The following MRPL3 variants were observed in gnomAD, a reference collection of about 807,000 sequenced individuals.
MRPL3 encodes the protein large ribosomal subunit protein uL3m.
Under a neutral mutation model 44.3 loss-of-function variants are expected in MRPL3, and 43 were observed. The ratio of observed to expected loss-of-function variants is 0.97; its 90% confidence interval spans 0.76 to 1.25. The LOEUF is 1.25. MRPL3 is among the 50% of genes most tolerant of loss of function. MRPL3 has a pLI of 0.00. For synonymous variants in MRPL3, 171 were observed against 152.3 expected (o/e 1.12, Z -0.91); for missense variants, 406 against 427.6 (o/e 0.95, Z 0.45).
chr3:131,498,733 A>G (rs1351063708), intron 3 of MRPL3, among the ~76,000 whole-genome samples: 1 of 151,522 alleles, frequency 6.6e-6, no homozygotes, highest in Non-Finnish European at 1.5e-5. Flanking sequence ...GATTAAATAC[A>G]TACAGAAAAG....
chr3:131,470,635 CCT>C (rs1553716923), intron 7 of MRPL3, among the ~76,000 whole-genome samples: 306 of 152,084 alleles, frequency 2.0e-3, no homozygotes, highest in Non-Finnish European at 3.4e-3. Flanking sequence ...CACACACACC[CCT>C]CTGTTTCTCT....
intron 4 of MRPL3, among the ~76,000 whole-genome samples, chr3:131,493,367 T>C (rs747477539): frequency 3.3e-5 from 5 of 152,220 alleles, no homozygotes; most frequent in South Asian, 2.1e-4. Flanking sequence ...CCAGAGCACA[T>C]TGCTCCTTTG....
At chr3:131,470,746 T>C (rs1933722862) in intron 7 of MRPL3, among the ~76,000 whole-genome samples, 1 of 152,108 alleles carries the variant, frequency 6.6e-6, no homozygotes, top group Admixed American at 6.6e-5. Flanking sequence ...ATAGGGTTCA[T>C]TTTAATTTTC....
intron 6 of MRPL3, among the ~76,000 whole-genome samples, chr3:131,473,075 T>C (rs1315368753): frequency 3.9e-5 from 6 of 152,138 alleles, no homozygotes; most frequent in East Asian, 1.9e-4. Context: ...AGAATTCATA[T>C]GGAACCACAA....
chr3:131,480,210 A>G (rs1933950259), intron 6 of MRPL3, among the ~76,000 whole-genome samples: 1 of 152,140 alleles, frequency 6.6e-6, no homozygotes, highest in African/African-American at 2.4e-5. Flanking sequence ...ACTTACTTGC[A>G]TTTCCACATA....
At chr3:131,471,471 C>A in intron 6 of MRPL3, 192 bp from the exon 7 acceptor site, 1 of 531,888 alleles carries the variant, frequency 1.9e-6, no homozygotes, top group East Asian at 3.1e-5. Context: ...GTCTGCACCC[C>A]TTCCTGGAGT....
At chr3:131,488,468 AAAGT>A (rs1304991982) in intron 5 of MRPL3, among the ~76,000 whole-genome samples, 4 of 152,270 alleles carry the variant, frequency 2.6e-5, no homozygotes, top group African/African-American at 9.6e-5. Flanking sequence ...CATAAACTTG[AAAGT>A]AACATTTATA....
intron 4 of MRPL3, 112 bp from the exon 5 acceptor site, chr3:131,490,192 C>T: frequency 1.4e-6 from 1 of 717,628 alleles, no homozygotes; most frequent in Non-Finnish European, 2.4e-6. Flanking sequence ...CAAAGCATAC[C>T]TTATTCCTTA....
rs774973633 is a variant in MRPL3 at position 131,487,753 on chromosome 3, A to G, written c.569-13T>C. 55 of 1,602,478 alleles carry G rather than the reference A, an allele frequency of 3.4e-5. No individual in the cohort carries two copies. The highest frequency in any genetic ancestry group is 4.6e-5 in the Non-Finnish European group (54 of 1,175,266). On this transcript the variant is annotated splice_polypyrimidine_tract_variant and intron_variant, in intron 5 of 9. Coordinates refer to ENST00000264995, the MANE Select transcript of MRPL3 (RefSeq NM_007208.4). Reference sequence around the variant, plus strand: ...TAAAGAGGAGTGCCTTTATGAAAAGAAAATGAAAAATCAATATGAAATTTG... The same window carrying G: ...TAAAGAGGAGTGCCTTTATGAAAAGGAAATGAAAAATCAATATGAAATTTG...
At chr3:131,486,204 G>A (rs1934114513) in intron 6 of MRPL3, among the ~76,000 whole-genome samples, 1 of 151,582 alleles carries the variant, frequency 6.6e-6, no homozygotes, top group Non-Finnish European at 1.5e-5. Context: ...AGACTTAAAT[G>A]TTAGACCTAA....
chr3:131,499,679 G>C (rs752277463), intron 3 of MRPL3, among the ~76,000 whole-genome samples: 3 of 152,010 alleles, frequency 2.0e-5, no homozygotes, highest in Non-Finnish European at 2.9e-5. Context: ...AAGATCAACT[G>C]AGTTGTTCAA....
At chr3:131,480,819 T>A (rs753783678) in intron 6 of MRPL3, among the ~76,000 whole-genome samples, 2 of 152,248 alleles carry the variant, frequency 1.3e-5, no homozygotes, top group Non-Finnish European at 2.9e-5. Context: ...ATGTATTATT[T>A]CTTTAGTATA....
At chr3:131,464,261 T>C (rs114464448) in intron 9 of MRPL3, among the ~76,000 whole-genome samples, 1 of 152,280 alleles carries the variant, frequency 6.6e-6, no homozygotes, top group African/African-American at 2.4e-5. Flanking sequence ...GAGATAACTC[T>C]CAGTTGCTTT....
chr3:131,463,399 T>G (rs1042012951), intron 9 of MRPL3, among the ~76,000 whole-genome samples: 14 of 151,348 alleles, frequency 9.3e-5, no homozygotes, highest in Admixed American at 9.2e-4. Context: ...AAAAAAGTCC[T>G]GTATTGACGG....
At chr3:131,496,637 C>T (rs1479548974) in intron 4 of MRPL3, among the ~76,000 whole-genome samples, 1 of 152,160 alleles carries the variant, frequency 6.6e-6, no homozygotes, top group Non-Finnish European at 1.5e-5. Flanking sequence ...TGTGTCCTCC[C>T]ACCTAGTCCT....
Position 131,471,178 on chromosome 3 carries a change from G to T in MRPL3, c.731C>A (p.Ala244Glu), listed in dbSNP as rs1345444612. 2 of 1,609,978 alleles carry T rather than the reference G, an allele frequency of 1.2e-6. No individual in the cohort carries two copies. Among genetic ancestry groups the T allele is most frequent in the Non-Finnish European group, 1.7e-6 (2 of 1,176,910 alleles). ...TKTHRRPGAV[A>E]TGDIGRVWPG... is the part of the protein sequence containing the mutation. ...TTCACTAGTTATACTCACACCAGTT[G>T]CAACAGCTCCAGGTCTCCTGTGGGT... Residue 244 changes from alanine (A) to glutamate (E), a missense_variant, in exon 7 of 10, where the codon GCA (alanine) becomes GAA (glutamate). By Grantham distance (107) the Ala-to-Glu change is moderately radical. Coordinates refer to ENST00000264995, the MANE Select transcript of MRPL3 (RefSeq NM_007208.4).
chr3:131,470,638 C>CT (rs1217140229), intron 7 of MRPL3, among the ~76,000 whole-genome samples: 1 of 151,412 alleles, frequency 6.6e-6, no homozygotes, highest in African/African-American at 2.4e-5. Context: ...ACACACCCCT[C>CT]TGTTTCTCTG....
Position 131,469,767 on chromosome 3 carries a change from C to T in MRPL3, c.745G>A (p.Gly249Ser). ...RPGAVATGDI[G>S]RVWPGTKMPG... ...ATTTTAGTTCCAGGCCAGACTCTGC[C>T]AATATCCTAAATGAGAAAACTAAAG... is the stretch of plus-strand genomic sequence containing the variant. The change falls in exon 8 of 10, where the codon GGC (glycine) becomes AGC (serine). Residue 249 changes from glycine to serine, a missense_variant. Gly to Ser is a moderately conservative substitution (Grantham distance 56, BLOSUM62 0). Coordinates refer to ENST00000264995, the MANE Select transcript of MRPL3 (RefSeq NM_007208.4). 6.2e-7 allele frequency: 1 copy of T among 1,610,196 alleles called. No individual in the cohort carries two copies. Among genetic ancestry groups the T allele is most frequent in the Non-Finnish European group, 8.5e-7 (1 of 1,177,416 alleles).
At chr3:131,491,638 C>G (rs768086493) in intron 4 of MRPL3, among the ~76,000 whole-genome samples, 1 of 152,082 alleles carries the variant, frequency 6.6e-6, no homozygotes, top group East Asian at 1.9e-4. Flanking sequence ...ACCCTTGATT[C>G]TTTTCTTCTT....
Sources: gnomAD v4.1 joint callset for allele counts (sites outside exome capture counted in the v4.1 genomes callset) on GRCh38, gnomAD v4.1.1 for gene constraint, MANE v1.5 for transcripts, NCBI Gene and HGNC (gene_info 2026-07-23, HGNC 2026-07-21) for gene names.